Variants in ASPM observed in about 807,000 individuals in gnomAD.
ASPM encodes assembly factor for spindle microtubules.
In ASPM, 256 loss-of-function variants were observed where a neutral mutation model predicts 366.4. That is an observed-to-expected ratio of 0.70 (90% CI 0.63 to 0.77). The LOEUF (loss-of-function observed/expected upper bound fraction) is 0.77, where lower values mean the gene tolerates loss of function less well. Among genes scored for constraint, ASPM ranks in the 30% least tolerant of loss-of-function variants. The pLI, the probability that ASPM is intolerant of heterozygous loss-of-function variation, is 0.00. For synonymous variants in ASPM, 1,414 were observed against 1,342.9 expected, an observed-to-expected ratio of 1.05 and a Z score of -1.16; for missense variants, 4,146 against 4,090.4, an observed-to-expected ratio of 1.01 and a Z score of -0.37.
Position 197,102,443 on chromosome 1 carries a change from G to C in ASPM, c.6808C>G (p.Gln2270Glu). 1 of 1,612,454 alleles carries C rather than the reference G, an allele frequency of 6.2e-7. No homozygotes were observed. Among genetic ancestry groups the C allele is most frequent in the Non-Finnish European group, 8.5e-7 (1 of 1,179,086 alleles). ...ATCATTAGAGTTCTAAATCTCCTCT[G>C]AATGAGAGTTGCGGCTATATGCATC... ...KMMHIAATLIQRRFRTLMMRR... is the reference protein window; with the variant it reads ...KMMHIAATLIERRFRTLMMRR... The change falls in exon 18 of 28, where the codon CAG (glutamine) becomes GAG (glutamate). Residue 2270 changes from glutamine (Q) to glutamate (E), a missense_variant. By Grantham distance (29) the Gln-to-Glu change is conservative. Around this residue, in one of 3 missense-constraint regions of ASPM, gnomAD observed 3,624 missense variants for 3,591.7 expected, o/e 1.01. Transcript: ENST00000367409.
In ASPM at chr1:197,093,363, T is replaced by C. The variant is rs946550568; in HGVS notation, c.9085-102A>G. On this transcript the variant is annotated intron_variant, in intron 20 of 27. Transcript: ENST00000367409. Reference sequence around the variant, plus strand: ...TCTCAATGAGATGGCATAATTATGATTTATAGTCTAAGAATGCCATGTTTC... The same window carrying C: ...TCTCAATGAGATGGCATAATTATGACTTATAGTCTAAGAATGCCATGTTTC... The C allele has an allele frequency of 3.2e-6, 3 of 946,414 alleles. No homozygotes were observed. The African/African-American group carries it at 4.9e-5, about 15-fold the overall frequency. The allele number at this position is 946,414 out of a possible 1,614,324, so 58.6% of individuals were successfully genotyped here. A position where few individuals can be genotyped will look rare whatever the true frequency, so the allele number is the denominator to read the frequency against.
At chr1:197,124,535 C>G (rs573619828) in intron 12 of ASPM, among the ~76,000 whole-genome samples, 149 of 150,244 alleles carry the variant, frequency 9.9e-4, no homozygotes, top group African/African-American at 3.4e-3. Context: ...AAGGCAAACA[C>G]CATCTACACT....
intron 17 of ASPM, among the ~76,000 whole-genome samples, chr1:197,108,459 G>C (rs1657479655): frequency 6.6e-6 from 1 of 151,974 alleles, no homozygotes; most frequent in South Asian, 2.1e-4. Context: ...TAAAACTCTA[G>C]CAAGACTGAC....
intron 10 of ASPM, among the ~76,000 whole-genome samples, chr1:197,127,703 T>C (rs1431259566): frequency 6.6e-6 from 1 of 152,216 alleles, no homozygotes; most frequent in African/African-American, 2.4e-5. Flanking sequence ...TGAGGAAATA[T>C]TGTGTAATTT....
chr1:197,084,234 G>A lies in ASPM; in HGVS notation c.*90C>T. ...TTTAAAACAAAGTCAGATTTTAAAA[G>A]TTGTACACGGAGAGCAAAAATCACT... On this transcript the variant is annotated 3_prime_UTR_variant, in exon 28 of 28. Transcript: ENST00000367409. The A allele has an allele frequency of 1.1e-6, 1 of 923,092 alleles. No individual in the cohort carries two copies. Among genetic ancestry groups the A allele is most frequent in the Non-Finnish European group, 1.7e-6 (1 of 574,552 alleles). 57.2% of individuals were successfully genotyped at this position (923,092 alleles called of 1,614,324 possible).
At chr1:197,095,767 T>TA (rs1558325487) in intron 19 of ASPM, among the ~76,000 whole-genome samples, 13 of 151,290 alleles carry the variant, frequency 8.6e-5, no homozygotes, top group Admixed American at 4.0e-4. Flanking sequence ...ATCAAGTATA[T>TA]AATATTTTTA....
intron 5 of ASPM, 123 bp downstream of exon 5, chr1:197,134,973 T>G (rs1197327514): frequency 2.5e-6 from 2 of 813,234 alleles, no homozygotes; most frequent in African/African-American, 3.5e-5. Flanking sequence ...GCATTTAGGC[T>G]AATGAACAGG....
At chr1:197,094,359 C>T (rs1381390107) in intron 19 of ASPM, among the ~76,000 whole-genome samples, 179 bp from the exon 20 acceptor site, 1 of 151,664 alleles carries the variant, frequency 6.6e-6, no homozygotes, top group Non-Finnish European at 1.5e-5. Flanking sequence ...AATTTACACA[C>T]GCACACGAAA....
At chr1:197,106,995 T>A (rs1180051507) in intron 17 of ASPM, among the ~76,000 whole-genome samples, 1 of 152,046 alleles carries the variant, frequency 6.6e-6, no homozygotes, top group East Asian at 1.9e-4. Flanking sequence ...TTGTTTTTCC[T>A]CATACAAAAG....
chr1:197,103,395 C>T lies in ASPM; in HGVS notation c.5856G>A (p.Leu1952=), dbSNP rs1657272624. 10 of 1,613,240 alleles carry T rather than the reference C, an allele frequency of 6.2e-6. No homozygotes were observed. Among genetic ancestry groups the T allele is most frequent in the Non-Finnish European group, 8.5e-6 (10 of 1,179,470 alleles). Reference sequence around the variant, plus strand: ...TTCCCTTCCACATAGATTGAAGCACCAGTACCGCATGACGGAGTTCAATAT... The same window carrying T: ...TTCCCTTCCACATAGATTGAAGCACTAGTACCGCATGACGGAGTTCAATAT... The part of the protein sequence containing the change: ...MEYIELRHAV[L]VLQSMWKGKT... The change falls in exon 18 of 28, where the codon CTG becomes CTA. Residue 1952 remains leucine, a synonymous_variant. Transcript: ENST00000367409.
Position 197,103,656 on chromosome 1 carries a change from A to G in ASPM, c.5595T>C (p.His1865=). 1 of 1,612,960 alleles carries G rather than the reference A, an allele frequency of 6.2e-7. No individual in the cohort carries two copies. Among genetic ancestry groups the G allele is most frequent in the African/African-American group, 1.3e-5 (1 of 74,960 alleles). ...TCTTCAAAAAATGTGTTCTTGTATC[A>G]TGAAGAGTCTTGTACGCCCTGTACC... The part of the protein sequence containing the change: ...QRWYRAYKTL[H]DTRTHFLKTK... The change falls in exon 18 of 28, where the codon CAT becomes CAC. Residue 1865 remains histidine (H), a synonymous_variant. Coordinates refer to ENST00000367409, the MANE Select transcript of ASPM (RefSeq NM_018136.5).
intron 18 of ASPM, among the ~76,000 whole-genome samples, chr1:197,098,801 C>A (rs535750877): frequency 3.4e-4 from 51 of 151,542 alleles, no homozygotes; most frequent in Admixed American, 1.8e-3. Flanking sequence ...TCATTATTCC[C>A]AGAACTTTAA....
intron 13 of ASPM, among the ~76,000 whole-genome samples, 177 bp from the exon 14 acceptor site, chr1:197,122,772 T>C (rs1053638308): frequency 1.3e-5 from 2 of 152,104 alleles, no homozygotes; most frequent in Non-Finnish European, 2.9e-5. Flanking sequence ...TAAAAGAGTA[T>C]CCCCTAGAAC....
chr1:197,111,098 TA>T (rs1194305655), intron 17 of ASPM, among the ~76,000 whole-genome samples: 1 of 152,046 alleles, frequency 6.6e-6, no homozygotes, highest in Non-Finnish European at 1.5e-5. Context: ...GGGACCTAAT[TA>T]AACTAAAGAG....
chr1:197,102,746 C>A lies in ASPM; in HGVS notation c.6505G>T (p.Ala2169Ser). Residue 2169 changes from alanine (A) to serine (S), a missense_variant, in exon 18 of 28, where the codon GCT becomes TCT. Coordinates refer to ENST00000367409, the MANE Select transcript of ASPM (RefSeq NM_018136.5). ...QREKYLTILKAVKVLQASFRG... is the reference protein window; with the variant it reads ...QREKYLTILKSVKVLQASFRG... ...AAACTTGCCTGAAGGACTTTAACAG[C>A]TTTCAAAATTGTCAGGTACTTTTCA... 6.2e-7 allele frequency: 1 copy of A among 1,612,652 alleles called. No homozygotes were observed. The highest frequency in any genetic ancestry group is 8.5e-7 in the Non-Finnish European group (1 of 1,179,252).
At chr1:197,093,381 C>T in intron 20 of ASPM, 120 bp from the exon 21 acceptor site, 1 of 854,836 alleles carries the variant, frequency 1.2e-6, no homozygotes, top group Admixed American at 1.9e-5. Flanking sequence ...CTAAGAATGC[C>T]ATGTTTCATA....
intron 19 of ASPM, 51 bp from the exon 20 acceptor site, chr1:197,094,231 T>C (rs1656890265): frequency 9.3e-7 from 1 of 1,077,808 alleles, no homozygotes; most frequent in African/African-American, 1.6e-5. Context: ...ACTTATTCAA[T>C]GAGTATTTAT....
At position 197,101,129 on chromosome 1, in the gene ASPM, A is replaced by T. The variant is rs1463159417; in HGVS notation, c.8122T>A (p.Tyr2708Asn). The change falls in exon 18 of 28, where the codon TAT becomes AAT. Residue 2708 changes from tyrosine (Y) to asparagine (N), a missense_variant. Coordinates refer to ENST00000367409, the MANE Select transcript of ASPM (RefSeq NM_018136.5). ...FYRMHRAKVDYETKKTAIVVI... is the reference protein window; with the variant it reads ...FYRMHRAKVDNETKKTAIVVI... ...ACAATTGCAGTTTTCTTTGTTTCAT[A>T]ATCAACTTTGGCCCTGTGCATTCGA... 6.2e-7 allele frequency: 1 copy of T among 1,612,256 alleles called. No homozygotes were observed. The highest frequency in any genetic ancestry group is 1.1e-5 in the South Asian group (1 of 91,040).
At chr1:197,141,361 A>G (rs80077744) in intron 3 of ASPM, among the ~76,000 whole-genome samples, 2,192 of 152,282 alleles carry the variant, frequency 0.014, 53 homozygotes, top group African/African-American at 0.047. Context: ...GCAAATCTAT[A>G]TGGCCTGCAA....
Sources: gnomAD v4.1 joint callset for allele counts (sites outside exome capture counted in the v4.1 genomes callset) on GRCh38, gnomAD v4.1.1 for gene constraint, gnomAD v4.1.1 regional missense constraint, MANE v1.5 for transcripts, NCBI Gene and HGNC (gene_info 2026-07-23, HGNC 2026-07-21) for gene names.